The following PLCXD2 variants were observed in gnomAD, a reference collection of about 807,000 sequenced individuals.
PLCXD2 encodes phosphatidylinositol specific phospholipase C X domain containing 2.
Under a neutral mutation model 28.6 loss-of-function variants are expected in PLCXD2, and 21 were observed. The observed-to-expected ratio is 0.73, with a 90% CI of 0.52 to 1.06. The LOEUF (loss-of-function observed/expected upper bound fraction) is 1.06, where lower values mean the gene tolerates loss of function less well. Among genes scored for constraint, PLCXD2 ranks in the 50% least tolerant of loss-of-function variants. The pLI, the probability that PLCXD2 is intolerant of heterozygous loss-of-function variation, is 0.00. For synonymous variants in PLCXD2, 140 were observed against 150.1 expected, an observed-to-expected ratio of 0.93 and a Z score of 0.49; for missense variants, 369 against 376.7, an observed-to-expected ratio of 0.98 and a Z score of 0.17.
At chr3:111,713,850 AT>A in intron 2 of PLCXD2, 36 bp from the exon 3 acceptor site, 1 of 1,594,056 alleles carries the variant, frequency 6.3e-7, no homozygotes, top group South Asian at 1.1e-5. Flanking sequence ...CAGCATTTTT[AT>A]GGATTGCTCT....
At chr3:111,704,772 T>G (rs141730599) in intron 1 of PLCXD2, among the ~76,000 whole-genome samples, 57 of 152,234 alleles carry the variant, frequency 3.7e-4, no homozygotes, top group African/African-American at 1.3e-3. Context: ...ATATTCATCC[T>G]ACAGTGCTGC....
At chr3:111,707,022 T>C (rs1413982476) in intron 1 of PLCXD2, among the ~76,000 whole-genome samples, 1 of 152,168 alleles carries the variant, frequency 6.6e-6, no homozygotes, top group Admixed American at 6.5e-5. Context: ...ATGGATTATC[T>C]AGAAAGAAAA....
chr3:111,690,205 C>T (rs577883800), intron 1 of PLCXD2, among the ~76,000 whole-genome samples: 1 of 152,054 alleles, frequency 6.6e-6, no homozygotes, highest in East Asian at 1.9e-4. Context: ...GGAGATTGAC[C>T]CAGTGTTGGG....
intron 1 of PLCXD2, among the ~76,000 whole-genome samples, chr3:111,688,002 CTT>C (rs1364982043): frequency 1.3e-5 from 2 of 152,126 alleles, no homozygotes; most frequent in Non-Finnish European, 2.9e-5. Flanking sequence ...CTCTCTCTCT[CTT>C]TGTTATTCAC....
At chr3:111,703,565 G>A (rs1054362796) in intron 1 of PLCXD2, among the ~76,000 whole-genome samples, 1 of 152,178 alleles carries the variant, frequency 6.6e-6, no homozygotes. Flanking sequence ...AATGCCCAGG[G>A]AAGAATTAAG....
intron 1 of PLCXD2, among the ~76,000 whole-genome samples, chr3:111,690,084 A>G (rs2107845996): frequency 6.6e-6 from 1 of 152,316 alleles, no homozygotes; most frequent in East Asian, 1.9e-4. Flanking sequence ...TCAGTCACAG[A>G]GAGGTTAAGC....
At chr3:111,679,070 A>G (rs1404449451) in intron 1 of PLCXD2, among the ~76,000 whole-genome samples, 2 of 150,482 alleles carry the variant, frequency 1.3e-5, no homozygotes, top group African/African-American at 4.8e-5. Context: ...CCTTCATCAT[A>G]CATAGTTTTT....
chr3:111,678,177 A>G (rs1192368856), intron 1 of PLCXD2, among the ~76,000 whole-genome samples: 1 of 152,218 alleles, frequency 6.6e-6, no homozygotes, highest in Non-Finnish European at 1.5e-5. Flanking sequence ...GGGAGAGAAC[A>G]TGTGTGAATG....
intron 1 of PLCXD2, among the ~76,000 whole-genome samples, chr3:111,684,472 G>A (rs901588272): frequency 1.3e-5 from 2 of 151,892 alleles, no homozygotes; most frequent in Admixed American, 1.3e-4. Context: ...TGGCCAACAT[G>A]GTGAAACCCC....
intron 3 of PLCXD2, chr3:111,726,102 G>A (rs1241590882): frequency 2.6e-6 from 1 of 379,714 alleles, no homozygotes; most frequent in Non-Finnish European, 4.7e-6. Flanking sequence ...TCAAATAGCA[G>A]GGGCTTGCTC....
At chr3:111,681,339 A>C (rs1361687159) in intron 1 of PLCXD2, among the ~76,000 whole-genome samples, 1 of 152,230 alleles carries the variant, frequency 6.6e-6, no homozygotes, top group Non-Finnish European at 1.5e-5. Context: ...GCCTTTGGGA[A>C]AAACTCAGCC....
At position 111,713,925 on chromosome 3, in the gene PLCXD2, C is replaced by A. The variant is rs1391858898; in HGVS notation, c.663C>A (p.Tyr221Ter). Residue 221 changes from tyrosine to a stop codon, truncating the protein, a stop_gained, in exon 3 of 5, where the codon TAC becomes TAA. Transcript: ENST00000477665. LOFTEE classifies it high-confidence loss of function. ...ACCACTGTCCCTTCTACAAGCAGTACCCCTTCCTGTGGCCAGGAAAGAAGA... is the reference window on the plus strand; with the variant it reads ...ACCACTGTCCCTTCTACAAGCAGTAACCCTTCCTGTGGCCAGGAAAGAAGA... 1.2e-6 allele frequency: 2 copies of A among 1,613,818 alleles called. No individual in the cohort carries two copies. The highest frequency in any genetic ancestry group is 2.2e-5 in the South Asian group (2 of 91,080).
At chr3:111,718,703 T>TA (rs2107873632) in intron 3 of PLCXD2, among the ~76,000 whole-genome samples, 1 of 152,218 alleles carries the variant, frequency 6.6e-6, no homozygotes, top group South Asian at 2.1e-4. Flanking sequence ...GAAGTCAAGA[T>TA]ATGTGCTGAA....
intron 1 of PLCXD2, among the ~76,000 whole-genome samples, chr3:111,690,150 C>T (rs956687272): frequency 2.0e-5 from 3 of 152,078 alleles, no homozygotes; most frequent in Non-Finnish European, 4.4e-5. Context: ...TTAGGTCATG[C>T]CAAATTCATT....
intron 1 of PLCXD2, among the ~76,000 whole-genome samples, chr3:111,679,776 C>T (rs1267405053): frequency 6.6e-6 from 1 of 152,194 alleles, no homozygotes; most frequent in Non-Finnish European, 1.5e-5. Context: ...TGAAAATGGT[C>T]GCAAGAGTCA....
At chr3:111,701,091 T>A (rs1217615595) in intron 1 of PLCXD2, among the ~76,000 whole-genome samples, 1 of 152,134 alleles carries the variant, frequency 6.6e-6, no homozygotes, top group East Asian at 1.9e-4. Context: ...TTCTAGACCA[T>A]CAGTATTTAA....
chr3:111,701,625 A>G (rs991633255), intron 1 of PLCXD2, among the ~76,000 whole-genome samples: 5 of 152,182 alleles, frequency 3.3e-5, no homozygotes, highest in Non-Finnish European at 5.9e-5. Context: ...CCTTTTAAGT[A>G]TGAACAAATT....
At chr3:111,696,347 CT>C (rs1576457615) in intron 1 of PLCXD2, among the ~76,000 whole-genome samples, 1 of 152,072 alleles carries the variant, frequency 6.6e-6, no homozygotes, top group East Asian at 1.9e-4. Context: ...TTTTTTTGGT[CT>C]TTTGTGTTTG....
intron 3 of PLCXD2, among the ~76,000 whole-genome samples, chr3:111,718,535 T>TA (rs1559799114): frequency 0.09 from 9,364 of 104,118 alleles, 309 homozygotes; most frequent in South Asian, 0.094. Context: ...ATAGATAGAT[T>TA]GATTGATTTA....
Sources: gnomAD v4.1 joint callset for allele counts (sites outside exome capture counted in the v4.1 genomes callset) on GRCh38, gnomAD v4.1.1 for gene constraint, MANE v1.5 for transcripts, NCBI Gene and HGNC (gene_info 2026-07-23, HGNC 2026-07-21) for gene names.